Variants in FOXJ3 observed in about 807,000 individuals in gnomAD.
The protein encoded by FOXJ3 is forkhead box J3, also known as forkhead box protein J3.
FOXJ3 carries 22 observed loss-of-function variants against 76.1 expected under a neutral mutation model. The observed-to-expected ratio is 0.29, with a 90% CI of 0.21 to 0.41. The LOEUF (loss-of-function observed/expected upper bound fraction) is 0.41. FOXJ3 is among the 10% of genes least tolerant of loss of function. The pLI is 1.00. For synonymous variants in FOXJ3, 269 were observed against 261.2 expected, an observed-to-expected ratio of 1.03 and a Z score of -0.29; for missense variants, 613 against 762.1, an observed-to-expected ratio of 0.80 and a Z score of 2.30.
chr1:42,224,660 A>AAAAT (rs1263079986), intron 5 of FOXJ3, among the ~76,000 whole-genome samples: 6 of 152,212 alleles, frequency 3.9e-5, no homozygotes, highest in Non-Finnish European at 5.9e-5. Flanking sequence ...CTCAAAAGAA[A>AAAAT]AAATAAATAA....
Position 42,195,020 on chromosome 1 carries a change from C to T in FOXJ3, c.804G>A (p.Gln268=), listed in dbSNP as rs201106966. 8.1e-6 allele frequency: 13 copies of T among 1,611,954 alleles called. No individual in the cohort carries two copies. In the East Asian group the frequency reaches 1.8e-4, roughly 22 times the overall value. The change falls in exon 8 of 13, where the codon CAG becomes CAA. Residue 268 remains glutamine (Q), a synonymous_variant. Coordinates refer to ENST00000361346, the MANE Select transcript of FOXJ3 (RefSeq NM_014947.5). The part of the protein sequence containing the change: ...PESVSQSLTP[Q]QQPQYNLPER... ...CTGGAAGGTTGTACTGTGGTTGCTG[C>T]TGAGGAGTTAATGATTGAGAGACTG... is the stretch of plus-strand genomic sequence containing the variant.
chr1:42,326,963 T>A (rs1438263168), intron 1 of FOXJ3, among the ~76,000 whole-genome samples: 2 of 152,228 alleles, frequency 1.3e-5, no homozygotes, highest in African/African-American at 4.8e-5. Context: ...CACTGAGTCC[T>A]ACCTAGCTTC....
chr1:42,247,733 G>A (rs1277556418), intron 4 of FOXJ3, among the ~76,000 whole-genome samples: 2 of 152,102 alleles, frequency 1.3e-5, no homozygotes, highest in East Asian at 3.8e-4. Flanking sequence ...ATATGACCCA[G>A]CAATTCCATT....
intron 5 of FOXJ3, among the ~76,000 whole-genome samples, chr1:42,224,750 T>A (rs1034308640): frequency 2.0e-5 from 3 of 152,122 alleles, no homozygotes; most frequent in Non-Finnish European, 4.4e-5. Flanking sequence ...ATAAAGATGC[T>A]CTTGCTTGCA....
chr1:42,311,128 G>C lies in FOXJ3; in HGVS notation c.-17-18C>G. The C allele has an allele frequency of 6.4e-7, 1 of 1,554,912 alleles. No homozygotes were observed. Among genetic ancestry groups the C allele is most frequent in the Non-Finnish European group, 8.7e-7 (1 of 1,143,912 alleles). On this transcript the variant is annotated intron_variant, in intron 1 of 12. Transcript: ENST00000361346. Reference sequence around the variant, plus strand: ...AAGAGAATCTGAAAAGCAAAGAAGAGTTAGTTATCAGATACTGCAAAGTAA... The same window carrying C: ...AAGAGAATCTGAAAAGCAAAGAAGACTTAGTTATCAGATACTGCAAAGTAA...
intron 4 of FOXJ3, among the ~76,000 whole-genome samples, chr1:42,228,782 G>A (rs1647810267): frequency 6.6e-6 from 1 of 152,090 alleles, no homozygotes; most frequent in East Asian, 1.9e-4. Flanking sequence ...CATGGGGGAG[G>A]AAAGCATGAA....
intron 5 of FOXJ3, among the ~76,000 whole-genome samples, chr1:42,225,944 G>A (rs977884577): frequency 2.0e-5 from 3 of 152,038 alleles, no homozygotes; most frequent in African/African-American, 4.8e-5. Flanking sequence ...CAAAAGACAC[G>A]GACAGTTGTT....
At chr1:42,191,192 G>A in intron 9 of FOXJ3, 111 bp downstream of exon 9, 1 of 981,458 alleles carries the variant, frequency 1.0e-6, no homozygotes, top group Non-Finnish European at 1.5e-6. Context: ...ATTATAGCAA[G>A]GAAACAGATG....
intron 5 of FOXJ3, 92 bp downstream of exon 5, chr1:42,227,791 G>C: frequency 3.4e-6 from 2 of 592,150 alleles, no homozygotes; most frequent in Non-Finnish European, 5.8e-6. Context: ...CATCATTATA[G>C]TTACATGTGC....
intron 2 of FOXJ3, among the ~76,000 whole-genome samples, chr1:42,289,498 G>A (rs1653279228): frequency 1.3e-5 from 2 of 152,022 alleles, no homozygotes; most frequent in African/African-American, 4.8e-5. Flanking sequence ...CTTTTAAAAA[G>A]ACATGCTTAT....
At chr1:42,291,143 A>C (rs1278761700) in intron 2 of FOXJ3, among the ~76,000 whole-genome samples, 1 of 152,014 alleles carries the variant, frequency 6.6e-6, no homozygotes, top group African/African-American at 2.4e-5. Context: ...GGCATCAGAC[A>C]AGTCAGTGGG....
At chr1:42,278,715 C>T in intron 2 of FOXJ3, 43 bp from the exon 3 acceptor site, 1 of 1,358,376 alleles carries the variant, frequency 7.4e-7, no homozygotes, top group Non-Finnish European at 1.0e-6. Context: ...AGGAAAGAAC[C>T]CCTGCTTCTC....
intron 4 of FOXJ3, among the ~76,000 whole-genome samples, chr1:42,234,674 G>A (rs188654296): frequency 3.9e-5 from 6 of 152,236 alleles, no homozygotes; most frequent in Admixed American, 1.3e-4. Context: ...ACTCCAGACC[G>A]TTTGCCTGGG....
chr1:42,293,138 A>G (rs142652836), intron 2 of FOXJ3, among the ~76,000 whole-genome samples: 10 of 152,328 alleles, frequency 6.6e-5, no homozygotes, highest in African/African-American at 2.2e-4. Flanking sequence ...GTGATTTGGA[A>G]TAAGTAAAGA....
chr1:42,292,473 G>A (rs1297141850), intron 2 of FOXJ3, among the ~76,000 whole-genome samples: 1 of 152,002 alleles, frequency 6.6e-6, no homozygotes, highest in Non-Finnish European at 1.5e-5. Context: ...GGAATAAAAA[G>A]GAATGAACTG....
At chr1:42,182,894 T>C (rs1646353085) in intron 11 of FOXJ3, among the ~76,000 whole-genome samples, 1 of 152,100 alleles carries the variant, frequency 6.6e-6, no homozygotes, top group Non-Finnish European at 1.5e-5. Context: ...TGTGTGCCCC[T>C]GTTAATTAAC....
chr1:42,205,060 G>C (rs1646835261), intron 6 of FOXJ3, among the ~76,000 whole-genome samples: 4 of 152,292 alleles, frequency 2.6e-5, no homozygotes, highest in African/African-American at 9.6e-5. Context: ...CTAAGCATAA[G>C]TGTGAGAGAT....
intron 2 of FOXJ3, among the ~76,000 whole-genome samples, chr1:42,309,892 AC>A (rs552249285): frequency 1.6e-4 from 24 of 152,362 alleles, no homozygotes; most frequent in African/African-American, 5.8e-4. Flanking sequence ...TACTAATTTG[AC>A]TTCACATATG....
Position 42,278,618 on chromosome 1 carries a change from G to A in FOXJ3, c.99C>T (p.Leu33=), listed in dbSNP as rs1289578652. The A allele has an allele frequency of 4.3e-6, 7 of 1,613,952 alleles. No individual in the cohort carries two copies. In the Admixed American group the frequency reaches 5.0e-5, roughly 12 times the overall value. Residue 33 remains leucine (L), a synonymous_variant, in exon 3 of 13, where the codon CTC becomes CTT. Transcript: ENST00000361346. ...ATTTTTGGATGGCTGCTCTCATGGT[G>A]AGCTGTGGTAACCAGTCCATAGACG... is the stretch of plus-strand genomic sequence containing the variant. The part of the protein sequence containing the change: ...SLTSMDWLPQ[L]TMRAAIQKSD...
Sources: allele counts gnomAD v4.1 joint callset (sites outside exome capture counted in the v4.1 genomes callset), GRCh38; gene constraint gnomAD v4.1.1; transcripts MANE v1.5; gene names NCBI Gene and HGNC (gene_info 2026-07-23, HGNC 2026-07-21).